The following OR10J1 variants were observed in gnomAD, a reference collection of about 807,000 sequenced individuals.
The protein encoded by OR10J1 is olfactory receptor 10J1.
For missense variants in OR10J1, 474 were observed against 376.6 expected (o/e 1.26, Z -2.14); for synonymous variants, 202 against 143.8 (o/e 1.40, Z -2.89).
chr1:159,411,243 TG>T, the OR10J1 span, among the ~76,000 whole-genome samples: 1 of 152,186 alleles, frequency 6.6e-6, no homozygotes, highest in Non-Finnish European at 1.5e-5. Flanking sequence ...GCTCAATTCC[TG>T]GGTATCCTTG....
upstream of OR10J1, chr1:159,438,042 C>T (rs147603066): frequency 1.2e-3 from 178 of 152,368 alleles, 2 homozygotes; most frequent in East Asian, 0.03. Flanking sequence ...TAAGCAGAGT[C>T]ATGTGAGTGG....
chr1:159,440,786 C>T lies in OR10J1; in HGVS notation c.*65C>T. 3 of 1,513,966 alleles carry T rather than the reference C, an allele frequency of 2.0e-6. No individual in the cohort carries two copies. Among genetic ancestry groups the T allele is most frequent in the Middle Eastern group, 1.8e-4 (1 of 5,534 alleles). The allele number at this position is 1,513,966 out of a possible 1,614,324, so 93.8% of individuals were successfully genotyped here. ...ACTAGGCAGGAATATGAGGTGTAAA[C>T]TCACAAACACTTGGCTCCTAGAGAC... is the stretch of plus-strand genomic sequence containing the variant. On this transcript the variant is annotated 3_prime_UTR_variant, in exon 1 of 1. Transcript: ENST00000423932.
At chr1:159,408,520 A>G in the OR10J1 span, among the ~76,000 whole-genome samples, 2 of 151,358 alleles carry the variant, frequency 1.3e-5, no homozygotes, top group African/African-American at 2.4e-5. Context: ...ATGCTAGATG[A>G]CGAGTTGGTG....
At chr1:159,428,962 C>T in the OR10J1 span, among the ~76,000 whole-genome samples, 1 of 152,190 alleles carries the variant, frequency 6.6e-6, no homozygotes, top group Non-Finnish European at 1.5e-5. Context: ...TACTGAAGAG[C>T]CCAAGTCTTA....
the OR10J1 span, among the ~76,000 whole-genome samples, chr1:159,424,567 G>A: frequency 6.6e-6 from 1 of 151,210 alleles, no homozygotes; most frequent in Non-Finnish European, 1.5e-5. Flanking sequence ...TGAGATGAAA[G>A]AACTGAGTGT....
chr1:159,430,640 GGTGTGTGTGTGT>G, the OR10J1 span, among the ~76,000 whole-genome samples: 1 of 140,828 alleles, frequency 7.1e-6, no homozygotes, highest in Non-Finnish European at 1.5e-5. Context: ...AAAAAATTAT[GGTGTGTGTGTGT>G]GTGTGTGTGT....
the OR10J1 span, among the ~76,000 whole-genome samples, chr1:159,410,969 T>C: frequency 6.6e-6 from 1 of 152,144 alleles, no homozygotes; most frequent in Non-Finnish European, 1.5e-5. Flanking sequence ...CAGTAGTCAT[T>C]CAGGAGCAGG....
the OR10J1 span, among the ~76,000 whole-genome samples, chr1:159,419,468 G>A: frequency 1.3e-5 from 2 of 152,132 alleles, no homozygotes; most frequent in African/African-American, 4.8e-5. Context: ...TGTAAGACAT[G>A]CCTTTCATTT....
At chr1:159,422,593 G>A in the OR10J1 span, among the ~76,000 whole-genome samples, 5 of 152,274 alleles carry the variant, frequency 3.3e-5, no homozygotes, top group East Asian at 9.7e-4. Context: ...TGGAGATGCA[G>A]AAGCTGTTAA....
the OR10J1 span, chr1:159,405,523 AG>A: frequency 3.3e-6 from 1 of 305,248 alleles, no homozygotes; most frequent in Non-Finnish European, 6.8e-6. Context: ...AGAGTTCAGC[AG>A]GGGAGTGATA....
upstream of OR10J1, chr1:159,433,230 C>T (rs186851819): frequency 2.5e-6 from 1 of 396,888 alleles, no homozygotes; most frequent in Non-Finnish European, 4.4e-6. Flanking sequence ...TGTGAAAGCA[C>T]CAGGTGGCTG....
the OR10J1 span, among the ~76,000 whole-genome samples, chr1:159,408,943 C>A: frequency 6.6e-6 from 1 of 151,922 alleles, no homozygotes; most frequent in Non-Finnish European, 1.5e-5. Flanking sequence ...TCCTTGGGAA[C>A]TGCTATAAGG....
chr1:159,398,576 A>G, the OR10J1 span, among the ~76,000 whole-genome samples: 1 of 152,204 alleles, frequency 6.6e-6, no homozygotes, highest in Non-Finnish European at 1.5e-5. Context: ...ATTTTAAGAA[A>G]TCAAGCAGAA....
chr1:159,407,173 T>C, the OR10J1 span, among the ~76,000 whole-genome samples: 1 of 152,228 alleles, frequency 6.6e-6, no homozygotes, highest in East Asian at 1.9e-4. Context: ...TCTATAAAAT[T>C]TTTACCAAGT....
At chr1:159,405,892 G>A in the OR10J1 span, 1 of 610,960 alleles carries the variant, frequency 1.6e-6, no homozygotes, top group Non-Finnish European at 3.0e-6. Context: ...AAACATAGAT[G>A]TTACTTGGAC....
chr1:159,423,975 G>A, the OR10J1 span, among the ~76,000 whole-genome samples: 3 of 152,160 alleles, frequency 2.0e-5, no homozygotes, highest in Non-Finnish European at 4.4e-5. Flanking sequence ...CCAGCAGTTT[G>A]GGAGGCTGAG....
upstream of OR10J1, among the ~76,000 whole-genome samples, chr1:159,438,467 T>C (rs1326961472): frequency 6.6e-6 from 1 of 152,238 alleles, no homozygotes; most frequent in Non-Finnish European, 1.5e-5. Context: ...AGAGGCACCA[T>C]ACCACTCCGT....
At chr1:159,429,428 A>G in the OR10J1 span, among the ~76,000 whole-genome samples, 1 of 152,228 alleles carries the variant, frequency 6.6e-6, no homozygotes, top group Non-Finnish European at 1.5e-5. Context: ...ATGACGCTGC[A>G]TCCTTAAACA....
rs1655861310 is a variant in OR10J1, at chr1:159,439,883, T to A, written c.92T>A (p.Phe31Tyr). The A allele has an allele frequency of 1.9e-6, 3 of 1,614,090 alleles. No individual in the cohort carries two copies. Among genetic ancestry groups the A allele is most frequent in the African/African-American group, 2.7e-5 (2 of 74,932 alleles). Residue 31 changes from phenylalanine (F) to tyrosine (Y), a missense_variant, in exon 1 of 1, where the codon TTC (phenylalanine) becomes TAC (tyrosine). Transcript: ENST00000423932. The stretch of plus-strand genomic sequence containing the variant: ...CAGCAGATCACCCTTTTTGGCGTGT[T>A]CCTTGCACTATACATCTTAACCTTA... Reference protein sequence around the residue: ...HEQQITLFGVFLALYILTLAG... With the variant: ...HEQQITLFGVYLALYILTLAG...
Sources: allele counts gnomAD v4.1 joint callset (sites outside exome capture counted in the v4.1 genomes callset), GRCh38; gene constraint gnomAD v4.1.1; transcripts MANE v1.5; gene names NCBI Gene and HGNC (gene_info 2026-07-23, HGNC 2026-07-21).